Variants in SRSF3 observed in about 807,000 individuals in gnomAD.
The protein encoded by SRSF3 is serine/arginine-rich splicing factor 3.
For missense variants in SRSF3, 58 were observed against 217.1 expected, an observed-to-expected ratio of 0.27 and a Z score of 4.61; for synonymous variants, 87 against 73.6, an observed-to-expected ratio of 1.18 and a Z score of -0.93.
At chr6:36,596,260 A>G (rs1260256060) in intron 1 of SRSF3, among the ~76,000 whole-genome samples, 1 of 151,894 alleles carries the variant, frequency 6.6e-6, no homozygotes, top group Non-Finnish European at 1.5e-5. Flanking sequence ...CGTTGGCCTT[A>G]TTTTTATTAA....
chr6:36,601,658 G>C (rs1449859424), intron 4 of SRSF3, 50 bp from the exon 5 acceptor site: 3 of 1,481,058 alleles, frequency 2.0e-6, no homozygotes, highest in Non-Finnish European at 2.8e-6. Flanking sequence ...AAATATTTAT[G>C]TATAATTTTA....
intron 4 of SRSF3, 31 bp downstream of exon 4, chr6:36,601,221 T>C: frequency 1.2e-6 from 2 of 1,612,494 alleles, no homozygotes; most frequent in Admixed American, 1.7e-5. Context: ...GCTACGTTCT[T>C]AGAAATGGCA....
Position 36,605,110 on chromosome 6 carries a change from T to C in SRSF3, c.*3121T>C, listed in dbSNP as rs892822111. 2 of 152,216 alleles carry C rather than the reference T, an allele frequency of 1.3e-5. No homozygotes were observed. The highest frequency in any genetic ancestry group is 4.8e-5 in the African/African-American group (2 of 41,448). 9.4% of individuals were successfully genotyped at this position (152,216 alleles called of 1,614,324 possible). A position where few individuals can be genotyped will look rare whatever the true frequency, so the allele number is the denominator to read the frequency against. On this transcript the variant is annotated 3_prime_UTR_variant, in exon 6 of 6. Coordinates refer to ENST00000373715, the MANE Select transcript of SRSF3 (RefSeq NM_003017.5). ...TTGATTTTATGTCCACTCTAATTTT[T>C]TTCATCCTGTTTTATTAGGGGGATT...
chr6:36,595,825 A>T (rs903799036), intron 1 of SRSF3, among the ~76,000 whole-genome samples: 2 of 152,182 alleles, frequency 1.3e-5, no homozygotes, highest in Non-Finnish European at 2.9e-5. Flanking sequence ...TTGCTTGATA[A>T]ATTTTTACCG....
chr6:36,601,712 C>T lies in SRSF3; in HGVS notation c.385C>T (p.Leu129Phe). The change falls in exon 5 of 6, where the codon CTT (leucine) becomes TTT (phenylalanine). Residue 129 changes from leucine (L) to phenylalanine (F), a missense_variant. Leu to Phe is a conservative substitution (Grantham distance 22). Transcript: ENST00000373715. Reference protein sequence around the residue: ...RSFSRSRSRSLSRDRRRERSL... With the variant: ...RSFSRSRSRSFSRDRRRERSL... The stretch of plus-strand genomic sequence containing the variant: ...AATGTTTTTTTGCTTGTTTAGGTCC[C>T]TTTCTAGAGATAGGAGAAGAGAGAG... The T allele has an allele frequency of 1.2e-6, 2 of 1,601,166 alleles. No homozygotes were observed. Among genetic ancestry groups the T allele is most frequent in the Non-Finnish European group, 1.7e-6 (2 of 1,169,968 alleles).
rs1270722010 is a variant in SRSF3, at chr6:36,603,577, A to G, written c.*1588A>G. 1 of 228,390 alleles carries G rather than the reference A, an allele frequency of 4.4e-6. No homozygotes were observed. The highest frequency in any genetic ancestry group is 8.7e-6 in the Non-Finnish European group (1 of 115,012). The allele number at this position is 228,390 out of a possible 1,614,324, so 14.1% of individuals were successfully genotyped here. ...GATACAGTTCCTAAACAAATTATTT[A>G]TTTCCACCTTTTACACAAATCTTGG... is the stretch of plus-strand genomic sequence containing the variant. On this transcript the variant is annotated 3_prime_UTR_variant, in exon 6 of 6. Coordinates refer to ENST00000373715, the MANE Select transcript of SRSF3 (RefSeq NM_003017.5).
In SRSF3 at chr6:36,603,119, ATAT is replaced by A. The variant is rs1328050070; in HGVS notation, c.*1132_*1134del. ...CATAGAAGCCAGTTCAGGGTCCATA[ATAT>A]TTAGTGACCAACATTTTAAAGTATA... On this transcript the variant is annotated 3_prime_UTR_variant, in exon 6 of 6. Coordinates refer to ENST00000373715, the MANE Select transcript of SRSF3 (RefSeq NM_003017.5). The A allele has an allele frequency of 2.7e-5, 6 of 223,870 alleles. No homozygotes were observed. Among genetic ancestry groups the A allele is most frequent in the East Asian group, 2.6e-4 (4 of 15,392 alleles). 13.9% of individuals were successfully genotyped at this position (223,870 alleles called of 1,614,324 possible).
chr6:36,602,279 C>T lies in SRSF3; in HGVS notation c.*290C>T, dbSNP rs1260615226. ...AGTTATGCACAGACTGATAATAAAC[C>T]TCTAAACCTGCCCAGCGGAAGTGTG... On this transcript the variant is annotated 3_prime_UTR_variant, in exon 6 of 6. Coordinates refer to ENST00000373715, the MANE Select transcript of SRSF3 (RefSeq NM_003017.5). 5.0e-6 allele frequency: 2 copies of T among 400,480 alleles called. No homozygotes were observed. The highest frequency in any genetic ancestry group is 8.5e-6 in the Non-Finnish European group (2 of 234,434). The allele number at this position is 400,480 out of a possible 1,614,324, so 24.8% of individuals were successfully genotyped here.
At chr6:36,600,331 C>T (rs1778691975) in intron 3 of SRSF3, 7 of 956,312 alleles carry the variant, frequency 7.3e-6, no homozygotes, top group Non-Finnish European at 8.8e-6. Flanking sequence ...GAGTAAGCGG[C>T]TTAAAGTAAT....
intron 2 of SRSF3, 172 bp downstream of exon 2, chr6:36,597,140 C>T (rs1438719913): frequency 4.9e-6 from 3 of 618,290 alleles, no homozygotes; most frequent in East Asian, 2.8e-5. Flanking sequence ...GAGTCTTGCA[C>T]TGTCACTGGG....
Position 36,599,425 on chromosome 6 carries a change from AACTT to A in SRSF3, c.341+444_341+447del, listed in dbSNP as rs143130337. On this transcript the variant is annotated intron_variant, in intron 3 of 5. Coordinates refer to ENST00000373715, the MANE Select transcript of SRSF3 (RefSeq NM_003017.5). ...GTAAAGTAGAAATCATTCTGAGACT[AACTT>A]AAGTCACTGACCAATAAAGGGGGCT... is the stretch of plus-strand genomic sequence containing the variant. The A allele has an allele frequency of 4.6e-3, 905 of 197,808 alleles. 5 individuals are homozygous for A. Among genetic ancestry groups the A allele is most frequent in the African/African-American group, 0.019 (827 of 42,882 alleles). The allele number at this position is 197,808 out of a possible 1,614,324, so 12.3% of individuals were successfully genotyped here.
At chr6:36,601,257 C>G in intron 4 of SRSF3, 67 bp downstream of exon 4, 1 of 1,542,904 alleles carries the variant, frequency 6.5e-7, no homozygotes, top group Non-Finnish European at 8.9e-7. Flanking sequence ...CTAAACTTTT[C>G]CAGGTGGCTT....
chr6:36,599,881 T>A, intron 3 of SRSF3: 1 of 1,352,156 alleles, frequency 7.4e-7, no homozygotes, highest in Non-Finnish European at 9.8e-7. Context: ...CAACTAGCCC[T>A]TTCAGCGTCA....
At position 36,596,798 on chromosome 6, in the gene SRSF3, T is replaced by A; in HGVS notation, c.36T>A (p.Val12=). 6.2e-7 allele frequency: 1 copy of A among 1,614,062 alleles called. No individual in the cohort carries two copies. Among genetic ancestry groups the A allele is most frequent in the South Asian group, 1.1e-5 (1 of 91,072 alleles). Residue 12 remains valine, a synonymous_variant, in exon 2 of 6, where the codon GTT becomes GTA. Coordinates refer to ENST00000373715, the MANE Select transcript of SRSF3 (RefSeq NM_003017.5). Reference sequence around the variant, plus strand: ...ATTCCTGTCCATTGGACTGTAAGGTTTATGTAGGCAATCTTGGAAACAATG... The same window carrying A: ...ATTCCTGTCCATTGGACTGTAAGGTATATGTAGGCAATCTTGGAAACAATG... ...HRDSCPLDCK[V]YVGNLGNNGN... is the part of the protein sequence containing the mutation.
At position 36,602,829 on chromosome 6, in the gene SRSF3, G is replaced by A. The variant is rs1443610230; in HGVS notation, c.*840G>A. ...TTGCAAACTCAAATCTGTGAGCTTG[G>A]TACCAAGTCCAGGTATAACATTCCT... is the stretch of plus-strand genomic sequence containing the variant. On this transcript the variant is annotated 3_prime_UTR_variant, in exon 6 of 6. Coordinates refer to ENST00000373715, the MANE Select transcript of SRSF3 (RefSeq NM_003017.5). The A allele has an allele frequency of 4.8e-6, 1 of 208,178 alleles. No homozygotes were observed. Among genetic ancestry groups the A allele is most frequent in the Non-Finnish European group, 9.8e-6 (1 of 101,984 alleles). The allele number at this position is 208,178 out of a possible 1,614,324, so 12.9% of individuals were successfully genotyped here. A position where few individuals can be genotyped will look rare whatever the true frequency, so the allele number is the denominator to read the frequency against.
chr6:36,603,596 A>C lies in SRSF3; in HGVS notation c.*1607A>C, dbSNP rs879813618. ...TTATTTATTTCCACCTTTTACACAA[A>C]TCTTGGGAGAATTGGTGTCAGGAAG... On this transcript the variant is annotated 3_prime_UTR_variant, in exon 6 of 6. Coordinates refer to ENST00000373715, the MANE Select transcript of SRSF3 (RefSeq NM_003017.5). 8.7e-5 allele frequency: 20 copies of C among 228,886 alleles called. No homozygotes were observed. The Admixed American group carries it at 1.0e-3, about 12-fold the overall frequency. The allele number at this position is 228,886 out of a possible 1,614,324, so 14.2% of individuals were successfully genotyped here.
chr6:36,596,106 G>A (rs1158207330), intron 1 of SRSF3, among the ~76,000 whole-genome samples: 1 of 152,060 alleles, frequency 6.6e-6, no homozygotes, highest in Admixed American at 6.6e-5. Flanking sequence ...TGTATTTTTA[G>A]TTGTGACGGG....
At chr6:36,600,843 T>G (rs1387290304) in intron 3 of SRSF3, 3 of 239,962 alleles carry the variant, frequency 1.3e-5, no homozygotes, top group South Asian at 1.1e-4. Flanking sequence ...TGGTGTGGTG[T>G]TTGGGTAGTG....
At chr6:36,596,200 G>C (rs1458380386) in intron 1 of SRSF3, among the ~76,000 whole-genome samples, 1 of 152,150 alleles carries the variant, frequency 6.6e-6, no homozygotes, top group Non-Finnish European at 1.5e-5. Flanking sequence ...TGGGATTGCA[G>C]GTGTGAGCCG....
Sources: gnomAD v4.1 joint callset for allele counts (sites outside exome capture counted in the v4.1 genomes callset) on GRCh38, gnomAD v4.1.1 for gene constraint, MANE v1.5 for transcripts, NCBI Gene and HGNC (gene_info 2026-07-23, HGNC 2026-07-21) for gene names.